PDE1A: variants seen among roughly 807,000 people sequenced by gnomAD.
PDE1A encodes phosphodiesterase 1A.
Under a neutral mutation model 61.7 loss-of-function variants are expected in PDE1A, and 35 were observed. The ratio of observed to expected loss-of-function variants is 0.57; its 90% confidence interval spans 0.43 to 0.75. The LOEUF (loss-of-function observed/expected upper bound fraction) is 0.75, where lower values mean the gene tolerates loss of function less well. PDE1A is among the 30% of genes least tolerant of loss of function. PDE1A has a pLI of 0.00. For missense variants in PDE1A, 597 were observed against 630.6 expected (o/e 0.95, Z 0.57); for synonymous variants, 232 against 213.2 (o/e 1.09, Z -0.77).
chr2:182,487,424 G>A (rs1373323172), intron 2 of PDE1A, among the ~76,000 whole-genome samples: 1 of 152,092 alleles, frequency 6.6e-6, no homozygotes, highest in Non-Finnish European at 1.5e-5. Flanking sequence ...TCTACTCAAA[G>A]GAGTTAAAAA....
intron 1 of PDE1A, among the ~76,000 whole-genome samples, chr2:182,414,174 C>T (rs918018876): frequency 5.9e-5 from 9 of 151,980 alleles, no homozygotes; most frequent in Admixed American, 5.3e-4. Context: ...AAGCAGAGGA[C>T]GATTCCTGGT....
chr2:182,487,654 G>A (rs1193150309), intron 2 of PDE1A, among the ~76,000 whole-genome samples: 1 of 152,152 alleles, frequency 6.6e-6, no homozygotes, highest in Non-Finnish European at 1.5e-5. Context: ...ACCTGTGGTT[G>A]GGGTGTGGGG....
the PDE1A span, among the ~76,000 whole-genome samples, chr2:182,711,175 G>T: frequency 6.6e-6 from 1 of 152,122 alleles, no homozygotes; most frequent in South Asian, 2.1e-4. Context: ...GAACAGCCTG[G>T]AATAGGTTGG....
At chr2:182,685,070 T>C in the PDE1A span, among the ~76,000 whole-genome samples, 155 of 150,096 alleles carry the variant, frequency 1.0e-3, no homozygotes, top group African/African-American at 3.7e-3. Flanking sequence ...AATATATATA[T>C]ATATTCAGAG....
the PDE1A span, among the ~76,000 whole-genome samples, chr2:182,714,666 G>A: frequency 6.6e-6 from 1 of 152,014 alleles, no homozygotes; most frequent in Non-Finnish European, 1.5e-5. Flanking sequence ...CCGGGTTCAA[G>A]CGATTCTCTT....
chr2:182,606,192 G>A, the PDE1A span, among the ~76,000 whole-genome samples: 1 of 152,134 alleles, frequency 6.6e-6, no homozygotes, highest in South Asian at 2.1e-4. Flanking sequence ...TTGTTTTTGA[G>A]ATGGAGTCTC....
At chr2:182,668,254 T>C in the PDE1A span, among the ~76,000 whole-genome samples, 5 of 152,056 alleles carry the variant, frequency 3.3e-5, no homozygotes, top group African/African-American at 1.2e-4. Flanking sequence ...CTGAGAAGGA[T>C]GCTGGACAAC....
chr2:182,428,426 C>T (rs1198963003), upstream of PDE1A, among the ~76,000 whole-genome samples: 1 of 151,952 alleles, frequency 6.6e-6, no homozygotes, highest in East Asian at 1.9e-4. Flanking sequence ...AATAAGGAAG[C>T]TATAAATAAA....
upstream of PDE1A, among the ~76,000 whole-genome samples, chr2:182,525,701 A>G (rs1211029670): frequency 1.3e-5 from 2 of 151,930 alleles, no homozygotes; most frequent in Non-Finnish European, 2.9e-5. Context: ...TTTTCTTTAT[A>G]AGTTACCCAG....
chr2:182,233,787 A>G (rs953717321), intron 4 of PDE1A, among the ~76,000 whole-genome samples: 7 of 148,904 alleles, frequency 4.7e-5, no homozygotes, highest in African/African-American at 1.8e-4. Flanking sequence ...ACACACACAC[A>G]CACACACACA....
intron 2 of PDE1A, among the ~76,000 whole-genome samples, chr2:182,441,944 C>T (rs1055879020): frequency 6.6e-6 from 1 of 152,004 alleles, no homozygotes; most frequent in Admixed American, 6.6e-5. Flanking sequence ...GAATAAAGGT[C>T]CTCCTACTGG....
chr2:182,372,418 G>T (rs919975122), intron 1 of PDE1A, among the ~76,000 whole-genome samples: 5 of 152,074 alleles, frequency 3.3e-5, no homozygotes, highest in African/African-American at 4.8e-5. Flanking sequence ...GTGGGAATGG[G>T]TTTCAATTTT....
the PDE1A span, among the ~76,000 whole-genome samples, chr2:182,625,808 GGAAAAGAA>G: frequency 6.6e-6 from 1 of 152,156 alleles, no homozygotes. Flanking sequence ...CTAGCTCAAA[GGAAAAGAA>G]GCTCAAACCT....
At chr2:182,454,286 A>G (rs1282755267) in intron 2 of PDE1A, among the ~76,000 whole-genome samples, 7 of 152,150 alleles carry the variant, frequency 4.6e-5, no homozygotes, top group African/African-American at 7.2e-5. Flanking sequence ...AACAAATGGA[A>G]GAACATTCCA....
the PDE1A span, among the ~76,000 whole-genome samples, chr2:182,565,552 G>A: frequency 1.3e-5 from 2 of 152,240 alleles, no homozygotes; most frequent in African/African-American, 2.4e-5. Context: ...GACTGGTGAT[G>A]TGTACACGAA....
At chr2:182,438,555 T>TTAGC (rs1434381084) in intron 2 of PDE1A, among the ~76,000 whole-genome samples, 9 of 152,118 alleles carry the variant, frequency 5.9e-5, no homozygotes, top group African/African-American at 1.7e-4. Flanking sequence ...TTAGCAAGGT[T>TTAGC]TAGCCAGTGC....
At chr2:182,692,309 G>A in the PDE1A span, among the ~76,000 whole-genome samples, 3 of 152,088 alleles carry the variant, frequency 2.0e-5, no homozygotes, top group Non-Finnish European at 4.4e-5. Context: ...AGAAAATGTG[G>A]CACATATACA....
chr2:182,393,881 T>C (rs1701556657), intron 1 of PDE1A, among the ~76,000 whole-genome samples: 1 of 152,238 alleles, frequency 6.6e-6, no homozygotes. Context: ...TGGACTTCAT[T>C]GTCCATATCA....
At chr2:182,523,670 A>C (rs1194096250), upstream of PDE1A, among the ~76,000 whole-genome samples, 1 of 152,204 alleles carries the variant, frequency 6.6e-6, no homozygotes, top group Non-Finnish European at 1.5e-5. Flanking sequence ...CTGATGTTTC[A>C]GACAATGTTC....
Sources: gnomAD v4.1 joint callset for allele counts (sites outside exome capture counted in the v4.1 genomes callset) on GRCh38, gnomAD v4.1.1 for gene constraint, MANE v1.5 for transcripts, NCBI Gene and HGNC (gene_info 2026-07-23, HGNC 2026-07-21) for gene names.